KRT73: variants seen among roughly 807,000 people sequenced by gnomAD.
KRT73 encodes keratin 73, also known as keratin, type II cytoskeletal 73.
KRT73 carries 44 observed loss-of-function variants against 47.2 expected under a neutral mutation model. The ratio of observed to expected loss-of-function variants is 0.93; its 90% CI spans 0.73 to 1.20. The LOEUF (loss-of-function observed/expected upper bound fraction) is 1.20, where lower values mean the gene tolerates loss of function less well. Among genes scored for constraint, KRT73 ranks in the 50% most tolerant of loss-of-function variants. The pLI is 0.00. For synonymous variants in KRT73, 285 were observed against 291.3 expected, an observed-to-expected ratio of 0.98 and a Z score of 0.22; for missense variants, 713 against 704.5, an observed-to-expected ratio of 1.01 and a Z score of -0.14.
chr12:52,622,434 A>G (rs1161109995), upstream of KRT73, among the ~76,000 whole-genome samples: 1 of 152,208 alleles, frequency 6.6e-6, no homozygotes, highest in Non-Finnish European at 1.5e-5. Context: ...CTCCCCATAT[A>G]TGCCTACTGC....
rs934737140 is a variant in KRT73 at position 52,609,281 on chromosome 12, C to G, written c.1332G>C (p.Arg444Ser). 11 of 1,613,368 alleles carry G rather than the reference C, an allele frequency of 6.8e-6. No individual in the cohort carries two copies. Among genetic ancestry groups the G allele is most frequent in the Non-Finnish European group, 9.3e-6 (11 of 1,179,462 alleles). ...YRKLLEGEEC[R>S]MSGEYTNSVS... ...CGGAGTTGGTATATTCTCCGGACAT[C>G]CTGCAAGAGAGAAAAGCACAGGAGA... is the stretch of plus-strand genomic sequence containing the variant. Residue 444 changes from arginine to serine, a missense_variant and splice_region_variant, in exon 8 of 9, where the codon AGG becomes AGC. By Grantham distance (110) the Arg-to-Ser change is moderately radical. Transcript: ENST00000305748.
At chr12:52,611,756 C>T (rs1009207683) in intron 5 of KRT73, among the ~76,000 whole-genome samples, 2 of 152,178 alleles carry the variant, frequency 1.3e-5, no homozygotes, top group African/African-American at 2.4e-5. Flanking sequence ...AGATGTCCCA[C>T]GTGTTCTTTT....
Position 52,616,197 on chromosome 12 carries a change from CG to C in KRT73, c.630del (p.Ser210ArgfsTer17). 6.2e-7 allele frequency: 1 copy of C among 1,614,106 alleles called. No individual in the cohort carries two copies. Among genetic ancestry groups the C allele is most frequent in the Non-Finnish European group, 8.5e-7 (1 of 1,179,990 alleles). On this transcript the variant is annotated frameshift_variant, in exon 2 of 9. Transcript: ENST00000305748. LOFTEE classifies it high-confidence loss of function. Reference protein sequence around the residue: ...DRVRLDSELRSVREVVEDYKK... With the variant: ...DRVRLDSELRXVREVVEDYKK... The stretch of plus-strand genomic sequence containing the variant: ...TTGTAGTCCTCCACCACTTCGCGCA[CG>C]CTCCTCAGCTCCGAGTCCAGCCTCA...
chr12:52,611,183 G>C, intron 6 of KRT73, 21 bp downstream of exon 6: 1 of 1,613,900 alleles, frequency 6.2e-7, no homozygotes, highest in Non-Finnish European at 8.5e-7. Flanking sequence ...AGTGAGTAAG[G>C]AAGGCTCCAG....
the KRT73 span, among the ~76,000 whole-genome samples, chr12:52,630,502 G>C: frequency 6.6e-6 from 1 of 152,220 alleles, no homozygotes; most frequent in East Asian, 1.9e-4. Context: ...AGGGCCAACA[G>C]TAGGCAGTGA....
In KRT73 at chr12:52,618,354, G is replaced by A; in HGVS notation, c.171C>T (p.Ile57=). 6.2e-7 allele frequency: 1 copy of A among 1,614,206 alleles called. No homozygotes were observed. Among genetic ancestry groups the A allele is most frequent in the Non-Finnish European group, 8.5e-7 (1 of 1,180,050 alleles). Residue 57 remains isoleucine (I), a synonymous_variant, in exon 1 of 9, where the codon ATC becomes ATT. Transcript: ENST00000305748. ...SLYSLGGARS[I]SFNVASGSGW... ...CACTGCCACTGGCCACATTGAAAGA[G>A]ATGCTCCGGGCACCCCCCAGGCTGT... is the stretch of plus-strand genomic sequence containing the variant.
chr12:52,610,529 G>GCCT, intron 7 of KRT73, 86 bp downstream of exon 7: 3 of 295,156 alleles, frequency 1.0e-5, no homozygotes, highest in Non-Finnish European at 1.4e-5. Flanking sequence ...CCAGCTCGCC[G>GCCT]CCCCCTCCCC....
chr12:52,616,111 G>A (rs1003153200), intron 2 of KRT73, 55 bp downstream of exon 2: 1 of 1,598,744 alleles, frequency 6.3e-7, no homozygotes, highest in Admixed American at 1.7e-5. Context: ...CCCAGTGCCT[G>A]CTGGGAAAGC....
the KRT73 span, among the ~76,000 whole-genome samples, chr12:52,625,791 C>T: frequency 6.6e-6 from 1 of 151,588 alleles, no homozygotes. Context: ...TACTACTCAG[C>T]AATGAAAAGA....
chr12:52,625,794 T>C, the KRT73 span, among the ~76,000 whole-genome samples: 2 of 151,800 alleles, frequency 1.3e-5, no homozygotes, highest in Admixed American at 6.6e-5. Context: ...TACTCAGCAA[T>C]GAAAAGAAAT....
the KRT73 span, among the ~76,000 whole-genome samples, chr12:52,630,316 TCACCCAC>T: frequency 6.6e-6 from 1 of 152,178 alleles, no homozygotes; most frequent in African/African-American, 2.4e-5. Flanking sequence ...CTCCTCTGGG[TCACCCAC>T]CTGCACGCCT....
chr12:52,608,087 C>A lies in KRT73; in HGVS notation c.*109G>T, dbSNP rs893460840. On this transcript the variant is annotated 3_prime_UTR_variant, in exon 9 of 9. Coordinates refer to ENST00000305748, the MANE Select transcript of KRT73 (RefSeq NM_175068.3). ...GAAGGAGGAGAGGTCCACAGCAAAG[C>A]AAAGCAAGAAGGAGATGAGGACAAA... 4 of 1,240,028 alleles carry A rather than the reference C, an allele frequency of 3.2e-6. No homozygotes were observed. Among genetic ancestry groups the A allele is most frequent in the African/African-American group, 1.5e-5 (1 of 65,956 alleles). The allele number at this position is 1,240,028 out of a possible 1,614,324, so 76.8% of individuals were successfully genotyped here. A position where few individuals can be genotyped will look rare whatever the true frequency, so the allele number is the denominator to read the frequency against.
chr12:52,629,135 C>A, the KRT73 span, among the ~76,000 whole-genome samples: 19 of 152,156 alleles, frequency 1.2e-4, no homozygotes, highest in Admixed American at 7.2e-4. Flanking sequence ...GGGATGGTGC[C>A]CCCTCTCAGG....
At chr12:52,627,708 T>C in the KRT73 span, among the ~76,000 whole-genome samples, 128 of 152,322 alleles carry the variant, frequency 8.4e-4, no homozygotes, top group Middle Eastern at 3.4e-3. Flanking sequence ...TAGCCAATAA[T>C]AACACCAGCT....
chr12:52,627,621 T>G, the KRT73 span, among the ~76,000 whole-genome samples: 1 of 152,104 alleles, frequency 6.6e-6, no homozygotes, highest in Non-Finnish European at 1.5e-5. Flanking sequence ...CTTTTCCCAC[T>G]CCACACCCTC....
chr12:52,613,104 T>C (rs1018774005), intron 5 of KRT73, among the ~76,000 whole-genome samples: 3 of 151,974 alleles, frequency 2.0e-5, no homozygotes, highest in African/African-American at 7.3e-5. Context: ...AGAGTGTGGA[T>C]TCCCTTGAGA....
chr12:52,608,113 T>C lies in KRT73; in HGVS notation c.*83A>G, dbSNP rs538290958. On this transcript the variant is annotated 3_prime_UTR_variant, in exon 9 of 9. Coordinates refer to ENST00000305748, the MANE Select transcript of KRT73 (RefSeq NM_175068.3). Reference sequence around the variant, plus strand: ...AAAGCAAGAAGGAGATGAGGACAAATGAGACAGAGGAATTTCCTAGAAGAG... The same window carrying C: ...AAAGCAAGAAGGAGATGAGGACAAACGAGACAGAGGAATTTCCTAGAAGAG... 9 of 1,440,720 alleles carry C rather than the reference T, an allele frequency of 6.2e-6. No individual in the cohort carries two copies. Among genetic ancestry groups the C allele is most frequent in the Non-Finnish European group, 8.5e-6 (9 of 1,061,834 alleles). The allele number at this position is 1,440,720 out of a possible 1,614,324, so 89.2% of individuals were successfully genotyped here.
chr12:52,609,145 G>A lies in KRT73; in HGVS notation c.1366+102C>T, dbSNP rs112461877. The A allele has an allele frequency of 3.5e-5, 35 of 1,011,494 alleles. 1 individual carries two copies. The highest frequency in any genetic ancestry group is 2.2e-4 in the African/African-American group (14 of 63,330). The allele number at this position is 1,011,494 out of a possible 1,614,324, so 62.7% of individuals were successfully genotyped here. On this transcript the variant is annotated intron_variant, in intron 8 of 8. Coordinates refer to ENST00000305748, the MANE Select transcript of KRT73 (RefSeq NM_175068.3). ...GAGTATGTGACCAAGTGGTCAACAG[G>A]CAGAGCCAAGCTCTTCCTCAGGGGG...
At position 52,615,310 on chromosome 12, in the gene KRT73, G is replaced by A; in HGVS notation, c.692C>T (p.Thr231Ile). The A allele has an allele frequency of 6.2e-7, 1 of 1,614,034 alleles. No homozygotes were observed. The highest frequency in any genetic ancestry group is 1.7e-5 in the Admixed American group (1 of 60,018). Residue 231 changes from threonine to isoleucine, a missense_variant, in exon 3 of 9, where the codon ACT becomes ATT. By Grantham distance (89) the Thr-to-Ile change is moderately conservative (BLOSUM62 -1). Transcript: ENST00000305748. ...RYEEEINKRT[T>I]AENEFVVLKK... ...AAGCACCACAAATTCATTCTCAGCAGTTGTGCGCTTGTTTATTTCTTCTTC... is the reference window on the plus strand; with the variant it reads ...AAGCACCACAAATTCATTCTCAGCAATTGTGCGCTTGTTTATTTCTTCTTC...
Sources: gnomAD v4.1 joint callset for allele counts (sites outside exome capture counted in the v4.1 genomes callset) on GRCh38, gnomAD v4.1.1 for gene constraint, MANE v1.5 for transcripts, NCBI Gene and HGNC (gene_info 2026-07-23, HGNC 2026-07-21) for gene names.